The following AKAP9 variants were observed in gnomAD, a reference collection of about 807,000 sequenced individuals.
AKAP9 encodes A-kinase anchoring protein 9.
AKAP9 carries 311 observed loss-of-function variants against 488.5 expected under a neutral mutation model. The observed-to-expected ratio is 0.64, with a 90% confidence interval of 0.58 to 0.70. The LOEUF is 0.70. Among genes scored for constraint, AKAP9 ranks in the 30% least tolerant of loss-of-function variants. The pLI, the probability that AKAP9 is intolerant of heterozygous loss-of-function variation, is 0.00. For missense variants in AKAP9, 4,215 were observed against 4,374.5 expected (o/e 0.96, Z 1.03); for synonymous variants, 1,462 against 1,483.5 (o/e 0.99, Z 0.33).
intron 46 of AKAP9, among the ~76,000 whole-genome samples, chr7:92,104,809 G>A (rs1218578901): frequency 6.6e-6 from 1 of 152,152 alleles, no homozygotes; most frequent in East Asian, 1.9e-4. Context: ...CAGGGTAAGT[G>A]CTGGTAGATG....
At chr7:92,066,182 G>A (rs1481175760) in intron 25 of AKAP9, among the ~76,000 whole-genome samples, 1 of 152,008 alleles carries the variant, frequency 6.6e-6, no homozygotes, top group Non-Finnish European at 1.5e-5. Flanking sequence ...AATAAAAAAA[G>A]AAATGTACTT....
At position 91,992,162 on chromosome 7, in the gene AKAP9, A is replaced by G. The variant is rs764576466; in HGVS notation, c.356A>G (p.Asn119Ser). Residue 119 changes from asparagine (N) to serine (S), a missense_variant, in exon 4 of 50, where the codon AAT becomes AGT. Physicochemically the swap from Asn to Ser is conservative, Grantham distance 46. Around this residue, in one of 5 missense-constraint regions of AKAP9, gnomAD observed 2,361 missense variants for 2,430.0 expected, o/e 0.97. Coordinates refer to ENST00000356239, the MANE Select transcript of AKAP9 (RefSeq NM_005751.5). ...TTADDCSSEV[N>S]GCSFVMRTGK... ...CAGGAAATTGTTTTTATACAGGTAAATGGTTGCAGTTTTGTGATGAGAACA... is the reference window on the plus strand; with the variant it reads ...CAGGAAATTGTTTTTATACAGGTAAGTGGTTGCAGTTTTGTGATGAGAACA... 1 of 1,608,682 alleles carries G rather than the reference A, an allele frequency of 6.2e-7. No individual in the cohort carries two copies. Among genetic ancestry groups the G allele is most frequent in the Non-Finnish European group, 8.5e-7 (1 of 1,175,224 alleles).
In AKAP9 at chr7:92,002,923, C is replaced by A. The variant is rs772095048; in HGVS notation, c.3006C>A (p.Asn1002Lys). ...LRCRELEIII[N>K]HNRAENVQSC... ...GTAGAGAGCTAGAAATCATTATTAA[C>A]CACAACAGGGCAGAAAATGTACAGT... Residue 1002 changes from asparagine to lysine, a missense_variant, in exon 8 of 50, where the codon AAC becomes AAA. By Grantham distance (94) the Asn-to-Lys change is moderately conservative. Coordinates refer to ENST00000356239, the MANE Select transcript of AKAP9 (RefSeq NM_005751.5). 6.2e-7 allele frequency: 1 copy of A among 1,611,722 alleles called. No homozygotes were observed. The highest frequency in any genetic ancestry group is 8.5e-7 in the Non-Finnish European group (1 of 1,179,156).
chr7:92,033,422 TTTTTC>T (rs1242512164), intron 16 of AKAP9, among the ~76,000 whole-genome samples: 4 of 150,706 alleles, frequency 2.7e-5, no homozygotes, highest in African/African-American at 9.8e-5. Context: ...CTGAGAGCCA[TTTTTC>T]TTTTCTTTTC....
At chr7:92,052,981 A>G (rs746736324) in intron 22 of AKAP9, 23 bp downstream of exon 22, 1 of 1,560,136 alleles carries the variant, frequency 6.4e-7, no homozygotes, top group Non-Finnish European at 8.8e-7. Context: ...TATTGCTAAT[A>G]TGTACTGAGT....
At chr7:92,085,967 G>A (rs1428820757) in intron 36 of AKAP9, among the ~76,000 whole-genome samples, 1 of 152,062 alleles carries the variant, frequency 6.6e-6, no homozygotes, top group African/African-American at 2.4e-5. Flanking sequence ...GCCAGGCGTG[G>A]TGGTGGGTGC....
At chr7:92,050,181 C>A (rs1425237357) in intron 21 of AKAP9, among the ~76,000 whole-genome samples, 1 of 151,964 alleles carries the variant, frequency 6.6e-6, no homozygotes, top group Non-Finnish European at 1.5e-5. Flanking sequence ...CCTCCTGCCT[C>A]AGCCTCCCAA....
intron 16 of AKAP9, among the ~76,000 whole-genome samples, chr7:92,037,557 A>G (rs1386318912): frequency 1.3e-5 from 2 of 152,204 alleles, no homozygotes; most frequent in African/African-American, 4.8e-5. Flanking sequence ...TTGGTTCTCA[A>G]AGGTGTAGGG....
chr7:92,049,953 A>G (rs1807652026), intron 21 of AKAP9, among the ~76,000 whole-genome samples: 1 of 151,998 alleles, frequency 6.6e-6, no homozygotes, highest in African/African-American at 2.4e-5. Flanking sequence ...CCTCATGTTG[A>G]TTCCTTCTCT....
At chr7:91,962,140 A>C (rs1357098365) in intron 1 of AKAP9, among the ~76,000 whole-genome samples, 2 of 152,176 alleles carry the variant, frequency 1.3e-5, no homozygotes, top group Non-Finnish European at 2.9e-5. Flanking sequence ...GTATAAGATG[A>C]TTACCTAATT....
chr7:91,973,540 T>C, intron 1 of AKAP9, 171 bp from the exon 2 acceptor site: 1 of 713,482 alleles, frequency 1.4e-6, no homozygotes, highest in Non-Finnish European at 2.3e-6. Context: ...CAGAAATGTT[T>C]CTTTGCATTC....
At chr7:92,073,326 C>T (rs918167169) in intron 28 of AKAP9, among the ~76,000 whole-genome samples, 2 of 145,288 alleles carry the variant, frequency 1.4e-5, no homozygotes, top group African/African-American at 5.3e-5. Flanking sequence ...GAAACCCCAT[C>T]TCTACTAAAA....
rs539226110 is a variant in AKAP9, at chr7:92,109,882, C to T, written c.11687-240C>T. Among the ~76,000 whole-genome samples, 5 of 152,100 alleles carry T rather than the reference C, an allele frequency of 3.3e-5. No homozygotes were observed. In the East Asian group the frequency reaches 7.7e-4, roughly 24 times the overall value. ...AGGAGAATCACTTGAACCCAGGAGG[C>T]GGGGGTTGCAGTGAGCCAAGATCAC... On this transcript the variant is annotated intron_variant, in intron 49 of 49. Transcript: ENST00000356239.
chr7:91,954,676 G>A (rs557571253), intron 1 of AKAP9, among the ~76,000 whole-genome samples: 1 of 151,766 alleles, frequency 6.6e-6, no homozygotes, highest in Non-Finnish European at 1.5e-5. Context: ...CCCAAATTTT[G>A]CTGCATATAG....
intron 2 of AKAP9, among the ~76,000 whole-genome samples, chr7:91,975,498 TTTTTGTTTTG>T (rs527353692): frequency 2.0e-5 from 3 of 152,190 alleles, no homozygotes; most frequent in East Asian, 1.9e-4. Context: ...TCTAATAGGT[TTTTTGTTTTG>T]TTTTGTTTTG....
intron 23 of AKAP9, among the ~76,000 whole-genome samples, 172 bp downstream of exon 23, chr7:92,061,594 ATATATATAT>A (rs1222752482): frequency 7.6e-6 from 1 of 130,768 alleles, no homozygotes; most frequent in Admixed American, 7.5e-5. Flanking sequence ...CTATATATAT[ATATATATAT>A]ATATATATAT....
intron 3 of AKAP9, among the ~76,000 whole-genome samples, chr7:91,984,686 A>T (rs1299920021): frequency 6.6e-6 from 1 of 152,082 alleles, no homozygotes; most frequent in Non-Finnish European, 1.5e-5. Flanking sequence ...TGATAGCTTG[A>T]TGGGGATGGC....
chr7:92,072,584 T>C (rs1563089640), intron 28 of AKAP9, among the ~76,000 whole-genome samples: 1 of 152,216 alleles, frequency 6.6e-6, no homozygotes, highest in Non-Finnish European at 1.5e-5. Context: ...CCTAAATTTG[T>C]ATAAAACATT....
Position 92,002,202 on chromosome 7 carries a change from AAG to A in AKAP9, c.2289_2290del (p.Asn764Ter), listed in dbSNP as rs746632514. On this transcript the variant is annotated frameshift_variant, in exon 8 of 50. Transcript: ENST00000356239. LOFTEE classifies it high-confidence loss of function. The stretch of plus-strand genomic sequence containing the variant: ...TTGTTAGAAAAACAGATGAAGGAAA[AAG>A]AGAATGATCTTCAAGAAAAATTTGC... 15 of 1,591,964 alleles carry A rather than the reference AAG, an allele frequency of 9.4e-6. No individual in the cohort carries two copies. Among genetic ancestry groups the A allele is most frequent in the Non-Finnish European group, 1.3e-5 (15 of 1,174,366 alleles).
Sources: gnomAD v4.1 joint callset for allele counts (sites outside exome capture counted in the v4.1 genomes callset) on GRCh38, gnomAD v4.1.1 for gene constraint, gnomAD v4.1.1 regional missense constraint, MANE v1.5 for transcripts, NCBI Gene and HGNC (gene_info 2026-07-23, HGNC 2026-07-21) for gene names.